The following LETM2 variants were observed in gnomAD, a reference collection of about 807,000 sequenced individuals.
LETM2 encodes leucine zipper and EF-hand containing transmembrane protein 2.
In LETM2, 58 loss-of-function variants were observed where a neutral mutation model predicts 59.6. The ratio of observed to expected loss-of-function variants is 0.97; its 90% confidence interval spans 0.79 to 1.21. The LOEUF (loss-of-function observed/expected upper bound fraction) is 1.21. Ranked by LOEUF, LETM2 falls within the 50% of genes most tolerant of loss-of-function variation. The probability of loss-of-function intolerance (pLI) is 0.00; values close to 1 mark genes in which losing one functional copy is unlikely to be tolerated. For synonymous variants in LETM2, 199 were observed against 214.1 expected, an observed-to-expected ratio of 0.93 and a Z score of 0.62; for missense variants, 572 against 575.7, an observed-to-expected ratio of 0.99 and a Z score of 0.07.
At chr8:38,388,108 T>C (rs1361696239) in intron 2 of LETM2, 78 bp downstream of exon 2, 2 of 941,920 alleles carry the variant, frequency 2.1e-6, no homozygotes, top group East Asian at 5.3e-5. Context: ...TGAGATGGAG[T>C]CGCACTCTGT....
At chr8:38,396,489 T>C (rs1274322982) in intron 4 of LETM2, among the ~76,000 whole-genome samples, 1 of 152,166 alleles carries the variant, frequency 6.6e-6, no homozygotes, top group Admixed American at 6.5e-5. Context: ...AAAACTGTAA[T>C]GTCAGTATAT....
intron 4 of LETM2, among the ~76,000 whole-genome samples, chr8:38,398,146 A>C: frequency 6.6e-6 from 1 of 152,106 alleles, no homozygotes; most frequent in Non-Finnish European, 1.5e-5. Context: ...GTCTTAAAAA[A>C]AAAAAAAAAG....
At position 38,402,603 on chromosome 8, in the gene LETM2, C is replaced by A; in HGVS notation, c.1063C>A (p.Leu355Met). 2 of 1,614,044 alleles carry A rather than the reference C, an allele frequency of 1.2e-6. No homozygotes were observed. The highest frequency in any genetic ancestry group is 1.7e-6 in the Non-Finnish European group (2 of 1,179,884). The change falls in exon 7 of 11, where the codon CTG becomes ATG. Residue 355 changes from leucine (L) to methionine (M), a missense_variant. Physicochemically the swap from Leu to Met is conservative, Grantham distance 15. Transcript: ENST00000379957. Reference protein sequence around the residue: ...AACRARGMRSLGLTEEQLRQQ... With the variant: ...AACRARGMRSMGLTEEQLRQQ... ...CTGTAGGGCCCGAGGGATGAGATCACTGGGTCTCACGGAGGAACAACTGCG... is the reference window on the plus strand; with the variant it reads ...CTGTAGGGCCCGAGGGATGAGATCAATGGGTCTCACGGAGGAACAACTGCG...
At chr8:38,389,137 C>T (rs1448642264) in intron 2 of LETM2, among the ~76,000 whole-genome samples, 7 of 152,128 alleles carry the variant, frequency 4.6e-5, no homozygotes, top group Non-Finnish European at 8.8e-5. Flanking sequence ...AGATGTAAAG[C>T]GAGTAAAATG....
intron 7 of LETM2, among the ~76,000 whole-genome samples, chr8:38,404,171 T>A (rs1385885181): frequency 6.6e-6 from 1 of 152,236 alleles, no homozygotes; most frequent in Non-Finnish European, 1.5e-5. Flanking sequence ...TCTCCCTCTC[T>A]GAGAGTGATT....
intron 4 of LETM2, among the ~76,000 whole-genome samples, chr8:38,399,949 AAG>A (rs3138841): frequency 0.052 from 7,636 of 147,168 alleles, 225 homozygotes; most frequent in Admixed American, 0.074. Context: ...TGATCTCAAA[AAG>A]AGAGAGAGAG....
intron 2 of LETM2, among the ~76,000 whole-genome samples, chr8:38,391,198 A>AAT (rs1812223993): frequency 8.1e-6 from 1 of 123,286 alleles, no homozygotes; most frequent in African/African-American, 3.0e-5. Context: ...AAAAAAAAAA[A>AAT]CAAAAAAAAA....
At chr8:38,403,315 G>A (rs1306444883) in intron 7 of LETM2, among the ~76,000 whole-genome samples, 1 of 152,244 alleles carries the variant, frequency 6.6e-6, no homozygotes, top group Admixed American at 6.5e-5. Context: ...CTAGGAGAGG[G>A]TGTGGGTATT....
rs1490733610 is a variant in LETM2 at position 38,406,940 on chromosome 8, C to T, written c.1219-6C>T. 5 of 1,586,708 alleles carry T rather than the reference C, an allele frequency of 3.2e-6. No homozygotes were observed. Among genetic ancestry groups the T allele is most frequent in the African/African-American group, 1.3e-5 (1 of 74,278 alleles). Reference sequence around the variant, plus strand: ...CTTATGATACATAAAATGTTTATCTCCCCAGGCTCCAAAGACTGATATTCT... The same window carrying T: ...CTTATGATACATAAAATGTTTATCTTCCCAGGCTCCAAAGACTGATATTCT... On this transcript the variant is annotated splice_region_variant and splice_polypyrimidine_tract_variant and intron_variant, in intron 8 of 10. Transcript: ENST00000379957.
chr8:38,391,889 A>G (rs1259487223), intron 2 of LETM2, among the ~76,000 whole-genome samples: 2 of 151,716 alleles, frequency 1.3e-5, no homozygotes, highest in Non-Finnish European at 2.9e-5. Context: ...ACAGGGTTTC[A>G]CCATGTTGGC....
chr8:38,398,575 C>T (rs189541854), intron 4 of LETM2, among the ~76,000 whole-genome samples: 7 of 152,290 alleles, frequency 4.6e-5, no homozygotes, highest in Admixed American at 4.6e-4. Context: ...GTCTCTCCCA[C>T]TACACTAAAA....
chr8:38,388,125 G>C, intron 2 of LETM2, 95 bp downstream of exon 2: 1 of 855,634 alleles, frequency 1.2e-6, no homozygotes, highest in East Asian at 2.7e-5. Context: ...CTGTCGCCCA[G>C]GCTGGAGTTC....
At position 38,404,524 on chromosome 8, in the gene LETM2, T is replaced by C. The variant is rs1046785271; in HGVS notation, c.1218+18T>C. On this transcript the variant is annotated intron_variant, in intron 8 of 10. Transcript: ENST00000379957. ...GTGGGGAGGTGAGTACCTGGGTTAATGGGGACCCTCGACGTCCATCCAACT... is the reference window on the plus strand; with the variant it reads ...GTGGGGAGGTGAGTACCTGGGTTAACGGGGACCCTCGACGTCCATCCAACT... The C allele has an allele frequency of 2.6e-6, 4 of 1,534,726 alleles. No individual in the cohort carries two copies. The highest frequency in any genetic ancestry group is 3.6e-6 in the Non-Finnish European group (4 of 1,107,728).
chr8:38,397,042 G>A (rs1387205891), intron 4 of LETM2: 12 of 452,364 alleles, frequency 2.7e-5, no homozygotes, highest in Admixed American at 4.8e-5. Flanking sequence ...TTCACTGAGT[G>A]TGGCAGTCAC....
At chr8:38,391,522 C>T (rs1293211194) in intron 2 of LETM2, among the ~76,000 whole-genome samples, 19 of 150,960 alleles carry the variant, frequency 1.3e-4, no homozygotes, top group African/African-American at 4.6e-4. Context: ...AGGATGGTCT[C>T]GATCTCTTGA....
At chr8:38,384,646 C>T (rs185795593), upstream of LETM2, among the ~76,000 whole-genome samples, 22 of 152,248 alleles carry the variant, frequency 1.4e-4, no homozygotes, top group Non-Finnish European at 2.2e-4. Flanking sequence ...AAGAAATTGC[C>T]AAGTCTCATA....
chr8:38,401,154 G>A, intron 6 of LETM2, 101 bp downstream of exon 6: 1 of 985,576 alleles, frequency 1.0e-6, no homozygotes, highest in Non-Finnish European at 1.5e-6. Context: ...TTTTGTTTTT[G>A]TTTTTGAGAC....
rs115532657 is a variant in LETM2 at position 38,406,309 on chromosome 8, A to G, written c.1219-637A>G. On this transcript the variant is annotated intron_variant, in intron 8 of 10. Coordinates refer to ENST00000379957, the MANE Select transcript of LETM2 (RefSeq NM_001286819.2). The stretch of plus-strand genomic sequence containing the variant: ...ACCAAGTTACATCAATGCTATTAGA[A>G]AATAACTGAGGCCAGTAGCAGTGGC... 1.7e-3 allele frequency among the ~76,000 whole-genome samples: 261 copies of G among 152,336 alleles called. 3 individuals are homozygous for G. Among genetic ancestry groups the G allele is most frequent in the African/African-American group, 5.8e-3 (240 of 41,576 alleles).
chr8:38,404,881 G>A, intron 8 of LETM2: 1 of 193,158 alleles, frequency 5.2e-6, no homozygotes, highest in Non-Finnish European at 1.1e-5. Flanking sequence ...TTGGGAGGCT[G>A]AGGCAGAATT....
Sources: allele counts gnomAD v4.1 joint callset (sites outside exome capture counted in the v4.1 genomes callset), GRCh38; gene constraint gnomAD v4.1.1; transcripts MANE v1.5; gene names NCBI Gene and HGNC (gene_info 2026-07-23, HGNC 2026-07-21).